SLC25A21: variants seen among roughly 807,000 people sequenced by gnomAD.
SLC25A21 encodes solute carrier family 25 member 21.
Under a neutral mutation model 43.8 loss-of-function variants are expected in SLC25A21, and 47 were observed. The ratio of observed to expected loss-of-function variants is 1.07; its 90% confidence interval spans 0.85 to 1.37. The LOEUF (loss-of-function observed/expected upper bound fraction) is 1.37, where lower values mean the gene tolerates loss of function less well. Among genes scored for constraint, SLC25A21 ranks in the 40% most tolerant of loss-of-function variants. SLC25A21 has a pLI of 0.00. For synonymous variants in SLC25A21, 131 were observed against 121.3 expected (o/e 1.08, Z -0.52); for missense variants, 352 against 350.2 (o/e 1.00, Z -0.04).
At chr14:37,156,425 A>G (rs1255259880) in intron 1 of SLC25A21, among the ~76,000 whole-genome samples, 1 of 152,140 alleles carries the variant, frequency 6.6e-6, no homozygotes, top group Non-Finnish European at 1.5e-5. Context: ...TATCAATAAT[A>G]TCAATAATAA....
chr14:37,035,660 G>C (rs1178113651), intron 1 of SLC25A21, among the ~76,000 whole-genome samples: 2 of 152,164 alleles, frequency 1.3e-5, no homozygotes, highest in African/African-American at 2.4e-5. Flanking sequence ...GTTTCTCCAA[G>C]GAAGACCTCA....
At chr14:36,735,159 G>A (rs1884981167) in intron 3 of SLC25A21, among the ~76,000 whole-genome samples, 1 of 152,138 alleles carries the variant, frequency 6.6e-6, no homozygotes, top group Non-Finnish European at 1.5e-5. Context: ...ACTATGTATT[G>A]CCAACAGAAG....
chr14:37,061,702 C>T (rs143817628), intron 1 of SLC25A21, among the ~76,000 whole-genome samples: 617 of 152,190 alleles, frequency 4.1e-3, no homozygotes, highest in South Asian at 0.026. Flanking sequence ...TGTCCTTTTC[C>T]CTGAGACAAG....
chr14:36,805,050 T>C (rs575869691), intron 3 of SLC25A21, among the ~76,000 whole-genome samples: 4 of 152,144 alleles, frequency 2.6e-5, no homozygotes, highest in African/African-American at 4.8e-5. Context: ...TCCACAAACA[T>C]GGGGAATATC....
intron 1 of SLC25A21, among the ~76,000 whole-genome samples, chr14:37,036,763 T>G (rs948903021): frequency 6.6e-6 from 1 of 152,140 alleles, no homozygotes; most frequent in African/African-American, 2.4e-5. Context: ...CATTATGATA[T>G]GAATAAGGGG....
chr14:36,708,686 C>G (rs2139183664), intron 7 of SLC25A21, among the ~76,000 whole-genome samples: 1 of 152,060 alleles, frequency 6.6e-6, no homozygotes, highest in South Asian at 2.1e-4. Flanking sequence ...ATCCTCTTGC[C>G]TCAGCCTGCA....
chr14:36,720,118 C>A (rs1306221870), intron 6 of SLC25A21, among the ~76,000 whole-genome samples: 1 of 152,196 alleles, frequency 6.6e-6, no homozygotes, highest in Non-Finnish European at 1.5e-5. Context: ...ACATCCCACA[C>A]CTTCTTCTAG....
At chr14:36,830,823 C>A (rs712355) in intron 2 of SLC25A21, among the ~76,000 whole-genome samples, 129,071 of 152,014 alleles carry the variant, frequency 0.85, 56,161 homozygotes, top group Non-Finnish European at 0.95. Flanking sequence ...TTTACTAGGA[C>A]TTCATCATGG....
chr14:36,942,776 G>A (rs1375133288), intron 1 of SLC25A21, among the ~76,000 whole-genome samples: 1 of 152,206 alleles, frequency 6.6e-6, no homozygotes, highest in Non-Finnish European at 1.5e-5. Context: ...GTGACCGGCT[G>A]TTTGTGAAGT....
chr14:36,988,417 T>C (rs545731574), intron 1 of SLC25A21, among the ~76,000 whole-genome samples: 1 of 152,294 alleles, frequency 6.6e-6, no homozygotes, highest in South Asian at 2.1e-4. Flanking sequence ...TATTAAACGC[T>C]TGCATGGTTG....
intron 3 of SLC25A21, among the ~76,000 whole-genome samples, chr14:36,743,664 T>C (rs1034235582): frequency 6.6e-6 from 1 of 152,110 alleles, no homozygotes. Flanking sequence ...GATGCCCACT[T>C]TCACCAATCA....
chr14:37,057,506 G>A (rs1378756638), intron 1 of SLC25A21, among the ~76,000 whole-genome samples: 2 of 152,126 alleles, frequency 1.3e-5, no homozygotes, highest in African/African-American at 2.4e-5. Flanking sequence ...GACTGGATCT[G>A]AAAATCGTGT....
chr14:36,723,498 A>G (rs1253293549), intron 6 of SLC25A21, among the ~76,000 whole-genome samples: 1 of 152,218 alleles, frequency 6.6e-6, no homozygotes, highest in African/African-American at 2.4e-5. Flanking sequence ...GGATAATGCA[A>G]AAGAAATGAC....
At chr14:36,684,368 C>T (rs1217362227) in intron 8 of SLC25A21, among the ~76,000 whole-genome samples, 1 of 152,122 alleles carries the variant, frequency 6.6e-6, no homozygotes, top group East Asian at 1.9e-4. Flanking sequence ...AGTGTTTTTA[C>T]AGAACTCTAT....
At chr14:36,827,400 C>T (rs1403729616) in intron 2 of SLC25A21, among the ~76,000 whole-genome samples, 1 of 152,110 alleles carries the variant, frequency 6.6e-6, no homozygotes, top group Non-Finnish European at 1.5e-5. Context: ...GCCTACTAAG[C>T]CCACTCTTAC....
intron 1 of SLC25A21, among the ~76,000 whole-genome samples, chr14:36,950,154 G>C (rs369705673): frequency 6.6e-6 from 1 of 152,026 alleles, no homozygotes; most frequent in African/African-American, 2.4e-5. Context: ...TTGTCGCAAG[G>C]TACCTTTATA....
chr14:37,100,028 ATGTTTGTT>A (rs71449968), intron 1 of SLC25A21, among the ~76,000 whole-genome samples: 356 of 147,316 alleles, frequency 2.4e-3, no homozygotes, highest in African/African-American at 4.4e-3. Flanking sequence ...CACCACCTCT[ATGTTTGTT>A]TGTTTGTTTG....
rs3061860 is a variant in SLC25A21, at chr14:37,147,634, G to GT, written c.70+24646dup. ...TACTGGTATTTCACACTTATTTCAG[G>GT]TTTTTTTTTTTTTTTAAAAAAAAGG... On this transcript the variant is annotated intron_variant, in intron 1 of 9. Transcript: ENST00000331299. Among the ~76,000 whole-genome samples, 819 of 125,460 alleles carry GT rather than the reference G, an allele frequency of 6.5e-3. 1 individual carries two copies. Among genetic ancestry groups the GT allele is most frequent in the African/African-American group, 0.014 (425 of 30,054 alleles). The allele number at this position is 125,460 out of a possible 152,430, so 82.3% of individuals were successfully genotyped here.
chr14:36,745,784 T>C (rs1197624222), intron 3 of SLC25A21, among the ~76,000 whole-genome samples: 1 of 152,092 alleles, frequency 6.6e-6, no homozygotes, highest in Non-Finnish European at 1.5e-5. Flanking sequence ...TTGTCTCCCA[T>C]TCTGTAAGTT....
Sources: allele counts gnomAD v4.1 joint callset (sites outside exome capture counted in the v4.1 genomes callset), GRCh38; gene constraint gnomAD v4.1.1; transcripts MANE v1.5; gene names NCBI Gene and HGNC (gene_info 2026-07-23, HGNC 2026-07-21).